CTSC: variants seen among roughly 807,000 people sequenced by gnomAD.
CTSC encodes dipeptidyl peptidase 1.
CTSC carries 37 observed loss-of-function variants against 40.9 expected under a neutral mutation model. The observed-to-expected ratio is 0.91, with a 90% CI of 0.70 to 1.19. CTSC has a LOEUF of 1.19. CTSC is among the 50% of genes most tolerant of loss of function. CTSC has a pLI of 0.00. For missense variants in CTSC, 594 were observed against 567.3 expected (o/e 1.05, Z -0.48); for synonymous variants, 232 against 207.4 (o/e 1.12, Z -1.02).
chr11:88,310,521 T>A (rs1349902736), intron 3 of CTSC, among the ~76,000 whole-genome samples: 1 of 152,202 alleles, frequency 6.6e-6, no homozygotes, highest in African/African-American at 2.4e-5. Flanking sequence ...ATTTTAGGCA[T>A]ACTGCAAACT....
At chr11:88,303,977 A>G (rs1238424365) in intron 4 of CTSC, among the ~76,000 whole-genome samples, 1 of 152,078 alleles carries the variant, frequency 6.6e-6, no homozygotes, top group Non-Finnish European at 1.5e-5. Flanking sequence ...AATGTGCCCC[A>G]ACGTTAAAAG....
intron 2 of CTSC, among the ~76,000 whole-genome samples, chr11:88,318,486 T>A (rs150036450): frequency 2.0e-5 from 3 of 152,352 alleles, no homozygotes; most frequent in Non-Finnish European, 2.9e-5. Context: ...CATGCCTTCA[T>A]AGAACTTATA....
At chr11:88,330,980 C>T (rs1262459895) in intron 2 of CTSC, among the ~76,000 whole-genome samples, 2 of 152,200 alleles carry the variant, frequency 1.3e-5, no homozygotes, top group Non-Finnish European at 2.9e-5. Context: ...TGTGTCTCTC[C>T]TGGTGAGATG....
At chr11:88,337,451 GCT>G in intron 1 of CTSC, 48 bp downstream of exon 1, 1 of 1,534,644 alleles carries the variant, frequency 6.5e-7, no homozygotes, top group Non-Finnish European at 8.8e-7. Flanking sequence ...TGCGTTAGGG[GCT>G]CAAGGGCAGA....
At chr11:88,299,891 A>G (rs946806113) in intron 5 of CTSC, 1 of 152,384 alleles carries the variant, frequency 6.6e-6, no homozygotes, top group African/African-American at 2.4e-5. Context: ...CATGTTATGA[A>G]ATCAACTCAC....
chr11:88,309,076 G>T, intron 4 of CTSC, 87 bp downstream of exon 4: 1 of 1,184,564 alleles, frequency 8.4e-7, no homozygotes, highest in Non-Finnish European at 1.2e-6. Flanking sequence ...CAATAAAATG[G>T]CGAGCAACAC....
In CTSC at chr11:88,337,711, G is replaced by A. The variant is rs920101575; in HGVS notation, c.-39C>T. On this transcript the variant is annotated 5_prime_UTR_variant, in exon 1 of 7. Coordinates refer to ENST00000227266, the MANE Select transcript of CTSC (RefSeq NM_001814.6). ...GAGAAAAGAGGTGAAGAATTACCAG[G>A]AAGCCGAGCGCTGCGGGCTAGCGGT... 6 of 1,551,046 alleles carry A rather than the reference G, an allele frequency of 3.9e-6. No homozygotes were observed. Among genetic ancestry groups the A allele is most frequent in the Non-Finnish European group, 5.2e-6 (6 of 1,147,202 alleles).
Position 88,294,041 on chromosome 11 carries a change from T to C in CTSC, c.1357A>G (p.Ile453Val), listed in dbSNP as rs3888798. The C allele has an allele frequency of 0.049, 78,475 of 1,613,916 alleles. 2,560 individuals are homozygous for C. The highest frequency in any genetic ancestry group is 0.13 in the East Asian group (5,654 of 44,876). Reference sequence around the variant, plus strand: ...GGAATTGGTGTGGCTGCCACTGCTATGCTCTCAATTGCACACTCATCAGTT... The same window carrying C: ...GGAATTGGTGTGGCTGCCACTGCTACGCTCTCAATTGCACACTCATCAGTT... ...RGTDECAIES[I>V]AVAATPIPKL is the part of the protein sequence containing the mutation. The change falls in exon 7 of 7, where the codon ATA (isoleucine) becomes GTA (valine). Residue 453 changes from isoleucine to valine, a missense_variant. Transcript: ENST00000227266.
intron 1 of CTSC, among the ~76,000 whole-genome samples, chr11:88,336,412 G>A (rs750119306): frequency 2.6e-5 from 4 of 151,464 alleles, no homozygotes; most frequent in Non-Finnish European, 5.9e-5. Context: ...GGTGGCATGT[G>A]CCCGTAATCC....
At chr11:88,336,539 C>G (rs1019726178) in intron 1 of CTSC, among the ~76,000 whole-genome samples, 1 of 87,402 alleles carries the variant, frequency 1.1e-5, no homozygotes, top group South Asian at 3.4e-4. Flanking sequence ...ACTCCATTCT[C>G]AAAAAAAAAA....
At chr11:88,300,698 G>T in intron 4 of CTSC, 53 bp from the exon 5 acceptor site, 3 of 1,136,336 alleles carry the variant, frequency 2.6e-6, no homozygotes, top group South Asian at 2.5e-5. Flanking sequence ...CTTTGAGGAT[G>T]ATTTCCTAAA....
Position 88,326,281 on chromosome 11 carries a change from T to G in CTSC, c.318+8656A>C, listed in dbSNP as rs534547033. ...AGGTCACCAGGACTCCTTTGCATTT[T>G]GCATGCAAATAAAGACTCCAGAAGG... On this transcript the variant is annotated intron_variant, in intron 2 of 6. Transcript: ENST00000227266. 5 of 1,595,810 alleles carry G rather than the reference T, an allele frequency of 3.1e-6. No individual in the cohort carries two copies. The African/African-American group carries it at 5.4e-5, about 17-fold the overall frequency.
chr11:88,302,950 C>G (rs1445096901), intron 4 of CTSC, among the ~76,000 whole-genome samples: 1 of 152,056 alleles, frequency 6.6e-6, no homozygotes, highest in Non-Finnish European at 1.5e-5. Context: ...TCTATATAAT[C>G]AAGGATCATA....
chr11:88,298,024 A>G (rs1322794092), intron 5 of CTSC: 2 of 152,078 alleles, frequency 1.3e-5, no homozygotes. Context: ...TGTTTTGCCT[A>G]TCATTAGTTG....
At chr11:88,320,425 T>G (rs1591234917) in intron 2 of CTSC, among the ~76,000 whole-genome samples, 1 of 152,322 alleles carries the variant, frequency 6.6e-6, no homozygotes, top group East Asian at 1.9e-4. Context: ...AAAAAAATCT[T>G]AAGAGTTCAT....
At chr11:88,332,429 C>A (rs892842536) in intron 2 of CTSC, among the ~76,000 whole-genome samples, 2 of 152,158 alleles carry the variant, frequency 1.3e-5, no homozygotes, top group South Asian at 2.1e-4. Context: ...AATCTGTAAA[C>A]TTTCTGTATT....
intron 2 of CTSC, chr11:88,325,256 C>G (rs574679140): frequency 1.0e-6 from 1 of 985,210 alleles, no homozygotes; most frequent in Non-Finnish European, 1.2e-6. Flanking sequence ...CTACCAATTT[C>G]CAAACTACAA....
At chr11:88,309,078 G>T in intron 4 of CTSC, 85 bp downstream of exon 4, 1 of 1,224,554 alleles carries the variant, frequency 8.2e-7, no homozygotes, top group Non-Finnish European at 1.2e-6. Flanking sequence ...ATAAAATGGC[G>T]AGCAACACTG....
intron 1 of CTSC, 96 bp from the exon 2 acceptor site, chr11:88,335,178 C>T (rs1343422648): frequency 1.2e-6 from 1 of 849,708 alleles, no homozygotes; most frequent in Admixed American, 2.0e-5. Flanking sequence ...TGCTGCTTTC[C>T]TTTCATGCTA....
Sources: gnomAD v4.1 joint callset for allele counts (sites outside exome capture counted in the v4.1 genomes callset) on GRCh38, gnomAD v4.1.1 for gene constraint, MANE v1.5 for transcripts, NCBI Gene and HGNC (gene_info 2026-07-23, HGNC 2026-07-21) for gene names.